MIGA1: variants seen among roughly 807,000 people sequenced by gnomAD.
MIGA1 encodes family with sequence similarity 73, member A.
Under a neutral mutation model 82.0 loss-of-function variants are expected in MIGA1, and 58 were observed. That is an observed-to-expected ratio of 0.71 (90% CI 0.57 to 0.88). The LOEUF (loss-of-function observed/expected upper bound fraction) is 0.88, where lower values mean the gene tolerates loss of function less well. Ranked by LOEUF, MIGA1 falls within the 40% of genes least tolerant of loss-of-function variation. The pLI is 0.00. For synonymous variants in MIGA1, 249 were observed against 253.6 expected, an observed-to-expected ratio of 0.98 and a Z score of 0.17; for missense variants, 751 against 749.1, an observed-to-expected ratio of 1.00 and a Z score of -0.03.
intron 2 of MIGA1, among the ~76,000 whole-genome samples, chr1:77,791,032 C>G (rs1166864759): frequency 2.0e-5 from 3 of 151,842 alleles, no homozygotes; most frequent in Admixed American, 1.3e-4. Flanking sequence ...TGCTTGAGAC[C>G]AAGAGTTTGA....
intron 7 of MIGA1, among the ~76,000 whole-genome samples, chr1:77,834,228 C>T (rs374001442): frequency 9.2e-5 from 14 of 151,860 alleles, no homozygotes; most frequent in African/African-American, 2.2e-4. Flanking sequence ...CAGGCTGGAG[C>T]GCAGTGGCGT....
intron 1 of MIGA1, 59 bp from the exon 2 acceptor site, chr1:77,783,179 A>G (rs1324862429): frequency 2.5e-6 from 3 of 1,196,774 alleles, no homozygotes; most frequent in Non-Finnish European, 3.6e-6. Context: ...TGTACCTTTC[A>G]TTGGTAAAGT....
intron 8 of MIGA1, among the ~76,000 whole-genome samples, chr1:77,855,586 T>A (rs572426615): frequency 9.6e-4 from 146 of 152,264 alleles, no homozygotes; most frequent in Non-Finnish European, 1.2e-3. Flanking sequence ...TTTTGTAGTT[T>A]TCCTTGTAGA....
intron 8 of MIGA1, among the ~76,000 whole-genome samples, chr1:77,856,398 C>T (rs1327721488): frequency 6.6e-6 from 1 of 151,932 alleles, no homozygotes; most frequent in Non-Finnish European, 1.5e-5. Flanking sequence ...TAGGGTGATG[C>T]TGAATTAGGG....
At chr1:77,839,483 G>A (rs944416424) in intron 7 of MIGA1, among the ~76,000 whole-genome samples, 4 of 151,116 alleles carry the variant, frequency 2.6e-5, no homozygotes, top group Non-Finnish European at 5.9e-5. Context: ...CGATTCTCCC[G>A]CATCAGCCTC....
chr1:77,788,359 G>T (rs1254893740), intron 2 of MIGA1, among the ~76,000 whole-genome samples: 1 of 152,066 alleles, frequency 6.6e-6, no homozygotes, highest in South Asian at 2.1e-4. Context: ...GGCTGGTCTC[G>T]AACTCCTGAC....
At chr1:77,799,342 T>G (rs1298381423) in intron 2 of MIGA1, among the ~76,000 whole-genome samples, 2 of 152,194 alleles carry the variant, frequency 1.3e-5, no homozygotes, top group African/African-American at 4.8e-5. Flanking sequence ...TTTGCCCAAA[T>G]GTAGACTAAT....
At chr1:77,814,894 A>T (rs1683514273) in intron 6 of MIGA1, among the ~76,000 whole-genome samples, 1 of 152,182 alleles carries the variant, frequency 6.6e-6, no homozygotes, top group South Asian at 2.1e-4. Flanking sequence ...TTTTATAGGT[A>T]AAGAAACTGA....
chr1:77,818,149 G>A (rs1438917930), intron 7 of MIGA1, among the ~76,000 whole-genome samples: 9 of 147,794 alleles, frequency 6.1e-5, no homozygotes, highest in African/African-American at 1.5e-4. Context: ...TTGAGACAGA[G>A]TTTTGCTCTT....
intron 2 of MIGA1, among the ~76,000 whole-genome samples, chr1:77,800,530 A>G (rs1013602000): frequency 6.6e-6 from 1 of 152,146 alleles, no homozygotes; most frequent in African/African-American, 2.4e-5. Flanking sequence ...CCAAGCCTTT[A>G]GCTTTATTTT....
chr1:77,860,213 A>G (rs1273346218), intron 11 of MIGA1, 87 bp downstream of exon 11: 1 of 904,144 alleles, frequency 1.1e-6, no homozygotes, highest in Non-Finnish European at 1.7e-6. Context: ...TAAATTTTTG[A>G]TAGAAGAAAA....
In MIGA1 at chr1:77,878,992, A is replaced by C. The variant is rs1188109066; in HGVS notation, c.*3928A>C. 4.9e-5 allele frequency: 14 copies of C among 283,272 alleles called. No homozygotes were observed. In the East Asian group the frequency reaches 6.9e-4, roughly 14 times the overall value. The allele number at this position is 283,272 out of a possible 1,614,324, so 17.5% of individuals were successfully genotyped here. On this transcript the variant is annotated 3_prime_UTR_variant, in exon 16 of 16. Transcript: ENST00000370791. ...CATTTTCTACTTAAATTTAATTTCCAAGAGAGTGATTATTTGCATTACAAA... is the reference window on the plus strand; with the variant it reads ...CATTTTCTACTTAAATTTAATTTCCCAGAGAGTGATTATTTGCATTACAAA...
At chr1:77,874,697 G>T (rs1198357293) in intron 15 of MIGA1, 149 bp from the exon 16 acceptor site, 1 of 625,120 alleles carries the variant, frequency 1.6e-6, no homozygotes, top group East Asian at 2.8e-5. Context: ...TAAATCACTT[G>T]TGCAAGGTCC....
chr1:77,870,778 C>G (rs1244377723), intron 14 of MIGA1, among the ~76,000 whole-genome samples: 1 of 150,126 alleles, frequency 6.7e-6, no homozygotes, highest in East Asian at 2.0e-4. Context: ...CGCCACTGCA[C>G]TCCAGCCTGG....
At chr1:77,789,391 G>A (rs1279713347) in intron 2 of MIGA1, among the ~76,000 whole-genome samples, 1 of 151,238 alleles carries the variant, frequency 6.6e-6, no homozygotes, top group Admixed American at 6.6e-5. Flanking sequence ...TTTATTTTTT[G>A]TAGAGACAGG....
At chr1:77,824,708 T>C (rs1683963391) in intron 7 of MIGA1, among the ~76,000 whole-genome samples, 1 of 152,160 alleles carries the variant, frequency 6.6e-6, no homozygotes, top group South Asian at 2.1e-4. Flanking sequence ...CAAAAAGAAA[T>C]ATAGCACAGT....
chr1:77,854,839 G>T (rs1012025037), intron 8 of MIGA1, among the ~76,000 whole-genome samples: 4 of 152,140 alleles, frequency 2.6e-5, no homozygotes. Flanking sequence ...CTCCCACTCT[G>T]TGGGTTGTCT....
Position 77,815,143 on chromosome 1 carries a change from A to C in MIGA1, c.807A>C (p.Glu269Asp). Reference sequence around the variant, plus strand: ...GTACTGAATTTATCCATAAACTCGAAGCTCTGCTGCAAAGAGCCTATCGTC... The same window carrying C: ...GTACTGAATTTATCCATAAACTCGACGCTCTGCTGCAAAGAGCCTATCGTC... Residue 269 changes from glutamate (E) to aspartate (D), a missense_variant, in exon 7 of 16, where the codon GAA (glutamate) becomes GAC (aspartate). By Grantham distance (45) the Glu-to-Asp change is conservative. Coordinates refer to ENST00000370791, the MANE Select transcript of MIGA1 (RefSeq NM_198549.4). 6.2e-7 allele frequency: 1 copy of C among 1,602,216 alleles called. No homozygotes were observed. The highest frequency in any genetic ancestry group is 1.7e-5 in the Admixed American group (1 of 59,306).
At chr1:77,818,637 C>T (rs1317639190) in intron 7 of MIGA1, among the ~76,000 whole-genome samples, 1 of 152,130 alleles carries the variant, frequency 6.6e-6, no homozygotes, top group African/African-American at 2.4e-5. Flanking sequence ...CCTGGCTCGA[C>T]ATGGTGGCTC....
Sources: gnomAD v4.1 joint callset for allele counts (sites outside exome capture counted in the v4.1 genomes callset) on GRCh38, gnomAD v4.1.1 for gene constraint, MANE v1.5 for transcripts, NCBI Gene and HGNC (gene_info 2026-07-23, HGNC 2026-07-21) for gene names.